Variants in GINM1 observed in about 807,000 individuals in gnomAD.
The protein encoded by GINM1 is glycosylated integral membrane protein 1, also known as glycoprotein integral membrane protein 1.
A neutral mutation model predicts 37.8 loss-of-function variants in GINM1; 29 were observed. The ratio of observed to expected loss-of-function variants is 0.77; its 90% CI spans 0.57 to 1.05. The LOEUF is 1.05. Among genes scored for constraint, GINM1 ranks in the 50% least tolerant of loss-of-function variants. The pLI, the probability that GINM1 is intolerant of heterozygous loss-of-function variation, is 0.00. For missense variants in GINM1, 377 were observed against 397.9 expected (o/e 0.95, Z 0.45); for synonymous variants, 143 against 146.2 (o/e 0.98, Z 0.16).
intron 3 of GINM1, among the ~76,000 whole-genome samples, 188 bp downstream of exon 3, chr6:149,572,791 A>G (rs1777849861): frequency 6.6e-6 from 1 of 152,138 alleles, no homozygotes; most frequent in African/African-American, 2.4e-5. Context: ...CCTCCAAAGT[A>G]GCTGGGACTG....
At chr6:149,586,002 T>TGGG (rs1291691410) in intron 7 of GINM1, among the ~76,000 whole-genome samples, 1 of 152,230 alleles carries the variant, frequency 6.6e-6, no homozygotes. Context: ...GCATCCTCAT[T>TGGG]TCTTGTTCAG....
chr6:149,575,028 T>C (rs1203674318), intron 3 of GINM1, among the ~76,000 whole-genome samples: 3 of 152,238 alleles, frequency 2.0e-5, no homozygotes, highest in Non-Finnish European at 4.4e-5. Flanking sequence ...CCATGTGACA[T>C]AATTATTGTT....
chr6:149,585,473 T>G (rs1351830605), intron 7 of GINM1, among the ~76,000 whole-genome samples: 1 of 152,248 alleles, frequency 6.6e-6, no homozygotes, highest in Non-Finnish European at 1.5e-5. Flanking sequence ...CATTTTTCAC[T>G]TAAGACACAG....
chr6:149,577,684 G>A (rs1777934860), intron 3 of GINM1, among the ~76,000 whole-genome samples: 1 of 152,192 alleles, frequency 6.6e-6, no homozygotes, highest in African/African-American at 2.4e-5. Flanking sequence ...CCCTATAGAT[G>A]CACAGAATCA....
At chr6:149,582,294 T>C in intron 6 of GINM1, 146 bp from the exon 7 acceptor site, 1 of 682,518 alleles carries the variant, frequency 1.5e-6, no homozygotes, top group Non-Finnish European at 2.6e-6. Context: ...ACAATTAGTT[T>C]TGACAAATGT....
rs1351377618 is a variant in GINM1 at position 149,579,900 on chromosome 6, A to G, written c.496A>G (p.Asn166Asp). 8 of 1,608,016 alleles carry G rather than the reference A, an allele frequency of 5.0e-6. No homozygotes were observed. The highest frequency in any genetic ancestry group is 6.8e-6 in the Non-Finnish European group (8 of 1,175,076). The change falls in exon 5 of 8, where the codon AAC (asparagine) becomes GAC (aspartate). Residue 166 changes from asparagine (N) to aspartate (D), a missense_variant. Asn to Asp is a conservative substitution (Grantham distance 23, BLOSUM62 1). Transcript: ENST00000367419. ...VKNRGVLRHS[N>D]YTLPLEESML... is the part of the protein sequence containing the mutation. ...GAACCGGGGAGTACTCAGACATTCA[A>G]ACTATACCCTCCCTTTGGAAGAAAG...
intron 3 of GINM1, among the ~76,000 whole-genome samples, chr6:149,575,726 G>A (rs1582734047): frequency 6.6e-6 from 1 of 152,184 alleles, no homozygotes; most frequent in African/African-American, 2.4e-5. Context: ...GAGGGTTGGT[G>A]TGCTGCAAGC....
At chr6:149,579,734 A>G (rs1046027788) in intron 4 of GINM1, 100 bp from the exon 5 acceptor site, 1 of 655,560 alleles carries the variant, frequency 1.5e-6, no homozygotes, top group Non-Finnish European at 2.5e-6. Flanking sequence ...AATAGGACAC[A>G]TGTTTTAGTT....
chr6:149,578,568 G>T, intron 3 of GINM1, among the ~76,000 whole-genome samples: 1 of 150,530 alleles, frequency 6.6e-6, no homozygotes, highest in South Asian at 2.1e-4. Context: ...GATGTTGCTA[G>T]TGTGGTATTT....
intron 7 of GINM1, among the ~76,000 whole-genome samples, chr6:149,587,763 T>C (rs1778095002): frequency 1.3e-5 from 2 of 152,172 alleles, no homozygotes; most frequent in Non-Finnish European, 2.9e-5. Context: ...ATTACATCAT[T>C]GGTCACTGGT....
intron 7 of GINM1, 83 bp from the exon 8 acceptor site, chr6:149,590,644 C>G (rs1778140363): frequency 1.4e-6 from 1 of 717,732 alleles, no homozygotes; most frequent in Middle Eastern, 2.9e-4. Context: ...ATATTATAAC[C>G]TTGAAGTAGC....
At chr6:149,587,053 T>G (rs1233633236) in intron 7 of GINM1, among the ~76,000 whole-genome samples, 3 of 152,164 alleles carry the variant, frequency 2.0e-5, no homozygotes, top group Non-Finnish European at 4.4e-5. Flanking sequence ...GTTCTGGGAT[T>G]ACAGGCATCA....
intron 7 of GINM1, among the ~76,000 whole-genome samples, chr6:149,588,576 A>G (rs966300217): frequency 6.6e-6 from 1 of 152,282 alleles, no homozygotes; most frequent in Non-Finnish European, 1.5e-5. Flanking sequence ...TATTTTGCCT[A>G]CTAAGTAGGC....
intron 7 of GINM1, among the ~76,000 whole-genome samples, chr6:149,588,385 GT>G (rs1778104766): frequency 6.6e-6 from 1 of 152,110 alleles, no homozygotes. Context: ...TTGGCATTTT[GT>G]AACTATTAGT....
chr6:149,581,176 T>A (rs1187172465), intron 6 of GINM1, among the ~76,000 whole-genome samples: 4 of 152,190 alleles, frequency 2.6e-5, no homozygotes, highest in Non-Finnish European at 5.9e-5. Flanking sequence ...TTTTTCTTTT[T>A]CTTTGAGATG....
chr6:149,586,725 C>T (rs528144326), intron 7 of GINM1, among the ~76,000 whole-genome samples: 49 of 152,048 alleles, frequency 3.2e-4, no homozygotes, highest in African/African-American at 1.1e-3. Flanking sequence ...TTTTTTGTCC[C>T]CTTAGTTATT....
At chr6:149,571,998 T>C (rs1777830405) in intron 1 of GINM1, among the ~76,000 whole-genome samples, 1 of 152,034 alleles carries the variant, frequency 6.6e-6, no homozygotes, top group South Asian at 2.1e-4. Context: ...GGAGAATTGC[T>C]TGAACCCAGG....
rs896430836 is a variant in GINM1 at position 149,591,004 on chromosome 6, C to G, written c.*166C>G. 1 of 545,194 alleles carries G rather than the reference C, an allele frequency of 1.8e-6. No homozygotes were observed. The highest frequency in any genetic ancestry group is 3.2e-6 in the Non-Finnish European group (1 of 310,028). 33.8% of individuals were successfully genotyped at this position (545,194 alleles called of 1,614,324 possible). A position where few individuals can be genotyped will look rare whatever the true frequency, so the allele number is the denominator to read the frequency against. ...TTTACAGTGCCAAGTTAAAGTTTAC[C>G]TTATTCTCGGCCGGGTGCAGTGGCT... is the stretch of plus-strand genomic sequence containing the variant. On this transcript the variant is annotated 3_prime_UTR_variant, in exon 8 of 8. Coordinates refer to ENST00000367419, the MANE Select transcript of GINM1 (RefSeq NM_138785.5).
Position 149,590,831 on chromosome 6 carries a change from G to A in GINM1, c.986G>A (p.Cys329Tyr). 6.6e-7 allele frequency: 1 copy of A among 1,526,700 alleles called. No homozygotes were observed. 94.6% of individuals were successfully genotyped at this position (1,526,700 alleles called of 1,614,324 possible). A position where few individuals can be genotyped will look rare whatever the true frequency, so the allele number is the denominator to read the frequency against. ...KRAENLEDKT[C>Y]I ...GCTGAAAACCTTGAAGATAAAACAT[G>A]TATTTAAAACGCCATCTCATATCAT... Residue 329 changes from cysteine to tyrosine, a missense_variant, in exon 8 of 8, where the codon TGT (cysteine) becomes TAT (tyrosine). Coordinates refer to ENST00000367419, the MANE Select transcript of GINM1 (RefSeq NM_138785.5).
Sources: allele counts gnomAD v4.1 joint callset (sites outside exome capture counted in the v4.1 genomes callset), GRCh38; gene constraint gnomAD v4.1.1; transcripts MANE v1.5; gene names NCBI Gene and HGNC (gene_info 2026-07-23, HGNC 2026-07-21).